The following RYR3 variants were observed in gnomAD, a reference collection of about 807,000 sequenced individuals.
RYR3 encodes brain ryanodine receptor-calcium release channel.
Under a neutral mutation model 584.3 loss-of-function variants are expected in RYR3, and 207 were observed. That is an observed-to-expected ratio of 0.35 (90% CI 0.32 to 0.40). RYR3 has a LOEUF of 0.40. RYR3 is among the 10% of genes least tolerant of loss of function. RYR3 has a pLI of 1.00. For synonymous variants in RYR3, 2,416 were observed against 2,248.5 expected, an observed-to-expected ratio of 1.07 and a Z score of -2.11; for missense variants, 5,616 against 6,089.2, an observed-to-expected ratio of 0.92 and a Z score of 2.59.
intron 16 of RYR3, among the ~76,000 whole-genome samples, chr15:33,591,654 G>A (rs2059134489): frequency 6.6e-6 from 1 of 152,150 alleles, no homozygotes; most frequent in Admixed American, 6.5e-5. Flanking sequence ...ACTTGCCCCT[G>A]AAGCTGCCTT....
At chr15:33,719,561 G>A (rs760294463) in intron 43 of RYR3, among the ~76,000 whole-genome samples, 4 of 152,104 alleles carry the variant, frequency 2.6e-5, no homozygotes, top group Admixed American at 6.5e-5. Context: ...AAATTTCAAC[G>A]TTTTAGCTTT....
At chr15:33,667,119 T>A (rs1344814313) in intron 36 of RYR3, among the ~76,000 whole-genome samples, 2 of 152,124 alleles carry the variant, frequency 1.3e-5, no homozygotes, top group Non-Finnish European at 2.9e-5. Flanking sequence ...CAAAATATGG[T>A]TTGCAGTAAG....
At chr15:33,553,383 C>T (rs2056829609) in intron 10 of RYR3, among the ~76,000 whole-genome samples, 1 of 152,120 alleles carries the variant, frequency 6.6e-6, no homozygotes, top group African/African-American at 2.4e-5. Context: ...TGGACAGCTG[C>T]AGGTGCGTGC....
At chr15:33,338,284 G>A (rs1971391695) in intron 1 of RYR3, among the ~76,000 whole-genome samples, 1 of 144,802 alleles carries the variant, frequency 6.9e-6, no homozygotes. Flanking sequence ...CTGGGAGACA[G>A]GTCTATGGCT....
In RYR3 at chr15:33,587,269, T is replaced by C. The variant is rs1317363155; in HGVS notation, c.1788+1153T>C. On this transcript the variant is annotated intron_variant, in intron 16 of 103. Transcript: ENST00000634891. The stretch of plus-strand genomic sequence containing the variant: ...CTCTGCGTTCCAACATGTTCCTTCC[T>C]GTCTGCGAAGTGTAATGAGAATAAT... 2.0e-5 allele frequency among the ~76,000 whole-genome samples: 3 copies of C among 152,208 alleles called. No homozygotes were observed. The East Asian group carries it at 5.8e-4, about 29-fold the overall frequency.
At chr15:33,399,766 A>T (rs1358687112) in intron 1 of RYR3, among the ~76,000 whole-genome samples, 1 of 152,228 alleles carries the variant, frequency 6.6e-6, no homozygotes, top group Non-Finnish European at 1.5e-5. Context: ...GCCTGAAAGA[A>T]AGATAGATCT....
At chr15:33,482,322 T>C (rs539456144) in intron 2 of RYR3, among the ~76,000 whole-genome samples, 33 of 152,324 alleles carry the variant, frequency 2.2e-4, no homozygotes, top group African/African-American at 7.9e-4. Flanking sequence ...ATTTTTATCA[T>C]CATTCTTCTA....
intron 8 of RYR3, among the ~76,000 whole-genome samples, chr15:33,545,122 T>C (rs984327922): frequency 6.6e-6 from 1 of 152,212 alleles, no homozygotes; most frequent in African/African-American, 2.4e-5. Flanking sequence ...AGGGTTTTCC[T>C]AGTTCATTCT....
intron 1 of RYR3, among the ~76,000 whole-genome samples, chr15:33,332,339 G>T (rs868296782): frequency 6.6e-6 from 1 of 152,028 alleles, no homozygotes; most frequent in Non-Finnish European, 1.5e-5. Flanking sequence ...GAGCAAAAAT[G>T]GTCAGTGCTG....
chr15:33,339,370 C>T (rs1595770366), intron 1 of RYR3, among the ~76,000 whole-genome samples: 1 of 152,252 alleles, frequency 6.6e-6, no homozygotes, highest in Middle Eastern at 3.4e-3. Flanking sequence ...AGGCCAGTGA[C>T]CAGGGAACGA....
At chr15:33,586,823 G>C (rs2058872626) in intron 16 of RYR3, among the ~76,000 whole-genome samples, 1 of 152,096 alleles carries the variant, frequency 6.6e-6, no homozygotes, top group Non-Finnish European at 1.5e-5. Flanking sequence ...TAAAATATGG[G>C]GAGTTTTTTT....
At chr15:33,515,778 T>C (rs2053462233) in intron 3 of RYR3, among the ~76,000 whole-genome samples, 1 of 152,232 alleles carries the variant, frequency 6.6e-6, no homozygotes, top group Non-Finnish European at 1.5e-5. Context: ...CATTCTTCAG[T>C]TCTGCCAGTC....
chr15:33,717,018 G>A (rs2067545073), intron 43 of RYR3, among the ~76,000 whole-genome samples: 1 of 152,122 alleles, frequency 6.6e-6, no homozygotes, highest in Non-Finnish European at 1.5e-5. Context: ...GGTTTCTATG[G>A]CATTCAAGTT....
At chr15:33,468,377 A>T (rs2048658103) in intron 1 of RYR3, among the ~76,000 whole-genome samples, 1 of 152,220 alleles carries the variant, frequency 6.6e-6, no homozygotes, top group South Asian at 2.1e-4. Flanking sequence ...AAATGTCAGC[A>T]TAGTGTTTGG....
intron 3 of RYR3, among the ~76,000 whole-genome samples, chr15:33,515,865 C>T (rs2053471462): frequency 6.6e-6 from 1 of 152,150 alleles, no homozygotes. Flanking sequence ...CATTTTAATG[C>T]TATTAACAAA....
At chr15:33,408,383 A>G (rs951986234) in intron 1 of RYR3, among the ~76,000 whole-genome samples, 3 of 152,208 alleles carry the variant, frequency 2.0e-5, no homozygotes, top group Non-Finnish European at 4.4e-5. Context: ...TGTGTTCCAC[A>G]TCATCTTTAT....
At chr15:33,447,226 G>T (rs867733862) in intron 1 of RYR3, among the ~76,000 whole-genome samples, 2 of 152,178 alleles carry the variant, frequency 1.3e-5, no homozygotes, top group Non-Finnish European at 2.9e-5. Flanking sequence ...TCATTGCTTA[G>T]AACTTGGTAT....
At position 33,788,378 on chromosome 15, in the gene RYR3, C is replaced by T. The variant is rs769185006; in HGVS notation, c.9750C>T (p.Leu3250=). ...GGGACACCCAGGAGGCAGAACTCCT[C>T]ATCCTGGACGAGTTCGCGGTCCTCT... ...GKGDTQEAEL[L]ILDEFAVLCR... Residue 3250 remains leucine, a synonymous_variant, in exon 67 of 104, where the codon CTC becomes CTT. Coordinates refer to ENST00000634891, the MANE Select transcript of RYR3 (RefSeq NM_001036.6). 5.6e-6 allele frequency: 9 copies of T among 1,613,876 alleles called. No homozygotes were observed. Among genetic ancestry groups the T allele is most frequent in the Non-Finnish European group, 7.6e-6 (9 of 1,179,882 alleles).
intron 18 of RYR3, among the ~76,000 whole-genome samples, chr15:33,612,674 T>A (rs1461623015): frequency 4.6e-5 from 7 of 152,224 alleles, no homozygotes; most frequent in Admixed American, 3.9e-4. Flanking sequence ...TAGCATAGTT[T>A]AATGGCTAGA....
Sources: gnomAD v4.1 joint callset for allele counts (sites outside exome capture counted in the v4.1 genomes callset) on GRCh38, gnomAD v4.1.1 for gene constraint, MANE v1.5 for transcripts, NCBI Gene and HGNC (gene_info 2026-07-23, HGNC 2026-07-21) for gene names.